RNASEH2B: variants seen among roughly 807,000 people sequenced by gnomAD.
RNASEH2B encodes the protein Aicardi-Goutieres syndrome 2 protein.
RNASEH2B carries 36 observed loss-of-function variants against 45.0 expected under a neutral mutation model. The observed-to-expected ratio is 0.80, with a 90% CI of 0.61 to 1.06. RNASEH2B has a LOEUF of 1.06. Ranked by LOEUF, RNASEH2B falls within the 50% of genes least tolerant of loss-of-function variation. The pLI, the probability that RNASEH2B is intolerant of heterozygous loss-of-function variation, is 0.00. For synonymous variants in RNASEH2B, 119 were observed against 125.7 expected, an observed-to-expected ratio of 0.95 and a Z score of 0.35; for missense variants, 361 against 360.3, an observed-to-expected ratio of 1.00 and a Z score of -0.02.
intron 4 of RNASEH2B, among the ~76,000 whole-genome samples, chr13:50,933,463 A>AGATGTTTAGGTATTTCCTTCTCGACATT (rs1260316673): frequency 6.6e-6 from 1 of 152,218 alleles, no homozygotes; most frequent in Non-Finnish European, 1.5e-5. Context: ...GTAACATTTG[A>AGATGTTTAGGTATTTCCTTCTCGACATT]GATGTTTAGG....
intron 6 of RNASEH2B, among the ~76,000 whole-genome samples, chr13:50,943,621 G>A (rs914542265): frequency 3.3e-5 from 5 of 152,068 alleles, no homozygotes; most frequent in African/African-American, 7.2e-5. Context: ...CTGCATTCTC[G>A]TTTCTCCCTG....
intron 5 of RNASEH2B, among the ~76,000 whole-genome samples, chr13:50,939,569 G>A (rs1951808944): frequency 6.6e-6 from 1 of 151,368 alleles, no homozygotes; most frequent in African/African-American, 2.4e-5. Flanking sequence ...TTGGTATAAG[G>A]ATAAATATAT....
In RNASEH2B at chr13:50,909,926, A is replaced by C; in HGVS notation, c.-151A>C. The C allele has an allele frequency of 1.8e-6, 1 of 550,438 alleles. No individual in the cohort carries two copies. Among genetic ancestry groups the C allele is most frequent in the Non-Finnish European group, 3.0e-6 (1 of 330,052 alleles). 34.1% of individuals were successfully genotyped at this position (550,438 alleles called of 1,614,324 possible). On this transcript the variant is annotated 5_prime_UTR_variant, in exon 1 of 11. Coordinates refer to ENST00000336617, the MANE Select transcript of RNASEH2B (RefSeq NM_024570.4). ...GCAGGCTGGTCTCGGAAACGAAACG[A>C]AATTCGGTCCCTGGGCCTCCTCCCG...
At chr13:50,951,875 T>C (rs1481685618) in intron 9 of RNASEH2B, 1 of 152,234 alleles carries the variant, frequency 6.6e-6, no homozygotes, top group Non-Finnish European at 1.5e-5. Context: ...AACTGGTATC[T>C]TGTTTTGTTG....
intron 5 of RNASEH2B, among the ~76,000 whole-genome samples, chr13:50,940,098 A>G (rs73186376): frequency 0.06 from 9,188 of 152,298 alleles, 311 homozygotes; most frequent in Middle Eastern, 0.2. Flanking sequence ...AACTACTGCT[A>G]GCTGCAACAA....
intron 8 of RNASEH2B, chr13:50,949,173 G>GA (rs1467301813): frequency 1.6e-5 from 5 of 321,000 alleles, no homozygotes; most frequent in Non-Finnish European, 2.9e-5. Flanking sequence ...CTCCAACACC[G>GA]AAACACAAAT....
chr13:50,956,961 C>T (rs1486705323), downstream of RNASEH2B, among the ~76,000 whole-genome samples: 4 of 149,016 alleles, frequency 2.7e-5, no homozygotes, highest in African/African-American at 5.0e-5. Flanking sequence ...TGCAGTGGCG[C>T]GATCTCGGCT....
downstream of RNASEH2B, among the ~76,000 whole-genome samples, chr13:50,957,685 A>T (rs1316445518): frequency 6.6e-6 from 1 of 152,188 alleles, no homozygotes; most frequent in African/African-American, 2.4e-5. Context: ...AGAATTCTTC[A>T]AACTGCTTTC....
In RNASEH2B at chr13:50,956,404, A is replaced by T; in HGVS notation, c.869A>T (p.Asp290Val). The T allele has an allele frequency of 1.2e-6, 2 of 1,603,800 alleles. No individual in the cohort carries two copies. The highest frequency in any genetic ancestry group is 2.2e-5 in the East Asian group (1 of 44,664). The change falls in exon 11 of 11, where the codon GAC (aspartate) becomes GTC (valine). Residue 290 changes from aspartate to valine, a missense_variant. Physicochemically the swap from Asp to Val is radical, Grantham distance 152. Transcript: ENST00000336617. ...TAAQKALAKV[D>V]KSGMKSIDTF... Reference sequence around the variant, plus strand: ...GCTCAGAAGGCTTTGGCTAAAGTTGACAAGAGTGGAATGAAAAGTATTGAT... The same window carrying T: ...GCTCAGAAGGCTTTGGCTAAAGTTGTCAAGAGTGGAATGAAAAGTATTGAT...
In RNASEH2B at chr13:50,944,430, C is replaced by T. The variant is rs568290006; in HGVS notation, c.511-997C>T. 2.6e-5 allele frequency among the ~76,000 whole-genome samples: 4 copies of T among 151,894 alleles called. No individual in the cohort carries two copies. The South Asian group carries it at 8.3e-4, about 32-fold the overall frequency. ...GAACACATGAACACAGGGAGGGGAA[C>T]ATCACACACCGGGGCTGTTTCGGGG... On this transcript the variant is annotated intron_variant, in intron 6 of 10. Coordinates refer to ENST00000336617, the MANE Select transcript of RNASEH2B (RefSeq NM_024570.4).
chr13:50,912,295 T>A (rs541576426), intron 1 of RNASEH2B: 8 of 152,440 alleles, frequency 5.2e-5, no homozygotes, highest in African/African-American at 1.7e-4. Context: ...ATCATTTACC[T>A]GGGGAGCTGG....
downstream of RNASEH2B, among the ~76,000 whole-genome samples, chr13:50,959,215 T>G (rs1952085947): frequency 6.6e-6 from 1 of 152,216 alleles, no homozygotes; most frequent in Non-Finnish European, 1.5e-5. Context: ...ATTCTATAAC[T>G]TAAGGACATT....
At chr13:50,957,862 G>C (rs765293833), downstream of RNASEH2B, among the ~76,000 whole-genome samples, 5 of 152,160 alleles carry the variant, frequency 3.3e-5, no homozygotes, top group African/African-American at 7.2e-5. Context: ...GATTAGTGAT[G>C]ATGGGCGTTT....
intron 6 of RNASEH2B, among the ~76,000 whole-genome samples, chr13:50,943,911 G>A (rs1464379418): frequency 6.6e-6 from 1 of 152,156 alleles, no homozygotes; most frequent in Admixed American, 6.5e-5. Flanking sequence ...CTAATGGATG[G>A]ACTGGGGCAG....
At chr13:50,946,025 T>C (rs1183759948) in intron 7 of RNASEH2B, among the ~76,000 whole-genome samples, 1 of 152,228 alleles carries the variant, frequency 6.6e-6, no homozygotes, top group Non-Finnish European at 1.5e-5. Context: ...ACTGTTCCAG[T>C]GGCTGCATCT....
At chr13:50,936,161 T>G (rs1165916071) in intron 5 of RNASEH2B, 1 of 152,246 alleles carries the variant, frequency 6.6e-6, no homozygotes, top group East Asian at 1.9e-4. Flanking sequence ...ATCATTCATT[T>G]AATTTTTCAG....
At chr13:50,968,224 T>C (rs145001505) in intron 9 of RNASEH2B, among the ~76,000 whole-genome samples, 1 of 151,890 alleles carries the variant, frequency 6.6e-6, no homozygotes, top group East Asian at 1.9e-4. Context: ...ATAGCAAGAC[T>C]GTTTCTACAA....
chr13:50,930,581 C>A, intron 3 of RNASEH2B, 102 bp from the exon 4 acceptor site: 1 of 867,346 alleles, frequency 1.2e-6, no homozygotes, highest in Non-Finnish European at 2.0e-6. Flanking sequence ...TGGAATTTCA[C>A]ATATATTTTT....
chr13:50,911,227 T>G (rs914836376), intron 1 of RNASEH2B: 3 of 152,234 alleles, frequency 2.0e-5, no homozygotes, highest in Admixed American at 1.3e-4. Context: ...AGATTAGTTT[T>G]GCCTGTTTGA....
Sources: allele counts gnomAD v4.1 joint callset (sites outside exome capture counted in the v4.1 genomes callset), GRCh38; gene constraint gnomAD v4.1.1; transcripts MANE v1.5; gene names NCBI Gene and HGNC (gene_info 2026-07-23, HGNC 2026-07-21).